The following BRF1 variants were observed in gnomAD, a reference collection of about 807,000 sequenced individuals.
BRF1 encodes BRF1 general transcription factor IIIB subunit.
A neutral mutation model predicts 81.7 loss-of-function variants in BRF1; 59 were observed. That is an observed-to-expected ratio of 0.72 (90% CI 0.59 to 0.90). BRF1 has a LOEUF of 0.90. Among genes scored for constraint, BRF1 ranks in the 40% least tolerant of loss-of-function variants. The pLI, the probability that BRF1 is intolerant of heterozygous loss-of-function variation, is 0.00. For synonymous variants in BRF1, 491 were observed against 395.6 expected (o/e 1.24, Z -2.86); for missense variants, 1,050 against 936.3 (o/e 1.12, Z -1.58).
intron 2 of BRF1, among the ~76,000 whole-genome samples, chr14:105,280,983 A>G (rs1278417074): frequency 6.8e-6 from 1 of 146,298 alleles, no homozygotes; most frequent in Non-Finnish European, 1.5e-5. Flanking sequence ...AGCCTGCGTG[A>G]CCCTGAGCCC....
In BRF1 at chr14:105,309,308, T is replaced by C. The variant is rs906882117; in HGVS notation, c.-162+6014A>G. Among the ~76,000 whole-genome samples the C allele has an allele frequency of 6.6e-6, 1 of 152,208 alleles. No homozygotes were observed. Among genetic ancestry groups the C allele is most frequent in the Non-Finnish European group, 1.5e-5 (1 of 68,038 alleles). On this transcript the variant is annotated intron_variant, in intron 1 of 17. Coordinates refer to the BRF1 transcript ENST00000327359. This position sits in a 1 kb window ranked among gnomAD's most constrained non-coding sequence, Gnocchi z 4.0. The stretch of plus-strand genomic sequence containing the variant: ...GAGTTTTATTCCTGAATCCAGGTCA[T>C]GCTGTGTTCAACTTTACACCCTGAT...
At chr14:105,293,052 G>A (rs944998352) in intron 1 of BRF1, among the ~76,000 whole-genome samples, 3 of 152,204 alleles carry the variant, frequency 2.0e-5, no homozygotes, top group African/African-American at 7.2e-5. Flanking sequence ...TTTCCTAAGA[G>A]CAGGCACCTT....
intron 6 of BRF1, among the ~76,000 whole-genome samples, chr14:105,241,016 G>T (rs2054567410): frequency 6.6e-6 from 1 of 152,330 alleles, no homozygotes; most frequent in South Asian, 2.1e-4. Context: ...TAGGCAACCT[G>T]GGGTCAAGGC....
At chr14:105,218,162 G>A (rs1282326027) in intron 14 of BRF1, among the ~76,000 whole-genome samples, 1 of 152,150 alleles carries the variant, frequency 6.6e-6, no homozygotes, top group East Asian at 1.9e-4. Flanking sequence ...TGTGAGGGCT[G>A]CAGCAGAGAT....
intron 1 of BRF1, among the ~76,000 whole-genome samples, chr14:105,292,604 G>A (rs979738039): frequency 1.3e-5 from 2 of 152,174 alleles, no homozygotes; most frequent in Admixed American, 1.3e-4. Flanking sequence ...ACAGGTGAGT[G>A]CCCAAAGGAG....
At chr14:105,246,805 T>C (rs2140254706) in intron 5 of BRF1, 1 of 985,170 alleles carries the variant, frequency 1.0e-6, no homozygotes, top group Admixed American at 6.1e-5. Context: ...GGTTTCTTTC[T>C]AAGGATGAAA....
At chr14:105,313,213 C>T (rs587756088) in intron 1 of BRF1, among the ~76,000 whole-genome samples, 10 of 152,340 alleles carry the variant, frequency 6.6e-5, no homozygotes, top group African/African-American at 1.2e-4. Context: ...TGCAACTGCA[C>T]GCTCGCCAGG....
At chr14:105,252,630 T>C (rs1263784309) in intron 4 of BRF1, 51 bp from the exon 5 acceptor site, 3 of 1,580,758 alleles carry the variant, frequency 1.9e-6, no homozygotes, top group Non-Finnish European at 2.6e-6. Context: ...TAAGGAAATG[T>C]TTGCTTTTTT....
chr14:105,266,586 A>G (rs67308076), intron 3 of BRF1, among the ~76,000 whole-genome samples: 5,398 of 152,232 alleles, frequency 0.035, 172 homozygotes, highest in African/African-American at 0.085. Context: ...TCAAGCTGAT[A>G]AAGAGTCCTA....
intron 3 of BRF1, among the ~76,000 whole-genome samples, chr14:105,270,605 A>G (rs2056614836): frequency 1.3e-5 from 2 of 152,016 alleles, no homozygotes; most frequent in East Asian, 3.9e-4. Flanking sequence ...CCTGGCCAAC[A>G]TGGGGAAACC....
intron 1 of BRF1, among the ~76,000 whole-genome samples, chr14:105,288,824 G>A (rs587644202): frequency 7.3e-5 from 11 of 151,528 alleles, no homozygotes; most frequent in African/African-American, 2.4e-4. Flanking sequence ...TAGTAGAGAC[G>A]GGGTTTCACT....
intron 2 of BRF1, among the ~76,000 whole-genome samples, chr14:105,280,177 C>T (rs1017241376): frequency 6.6e-6 from 1 of 152,206 alleles, no homozygotes; most frequent in African/African-American, 2.4e-5. Flanking sequence ...TCAACTGTGG[C>T]GCACCTAGGC....
chr14:105,218,670 C>A (rs138627798), intron 14 of BRF1, among the ~76,000 whole-genome samples: 85 of 152,360 alleles, frequency 5.6e-4, no homozygotes, highest in Non-Finnish European at 1.1e-3. Flanking sequence ...CCCAGGGCGT[C>A]AGAAGAGCAA....
At position 105,284,182 on chromosome 14, in the gene BRF1, C is replaced by A. The variant is rs2057227663; in HGVS notation, c.265+2114G>T. ...ATGCACGTCCACAAAACTGGCCTTCCACCCGGCCACGGCTCGAAGCATTTC... is the reference window on the plus strand; with the variant it reads ...ATGCACGTCCACAAAACTGGCCTTCAACCCGGCCACGGCTCGAAGCATTTC... On this transcript the variant is annotated intron_variant, in intron 2 of 17. Coordinates refer to ENST00000547530, the MANE Select transcript of BRF1 (RefSeq NM_001519.4). This position sits in a 1 kb window ranked among gnomAD's most constrained non-coding sequence, Gnocchi z 4.0. 2.0e-5 allele frequency among the ~76,000 whole-genome samples: 3 copies of A among 152,152 alleles called. No homozygotes were observed. In the South Asian group the frequency reaches 6.2e-4, roughly 31 times the overall value.
chr14:105,288,236 C>T lies in BRF1; in HGVS notation c.185-1860G>A, dbSNP rs184478911. 2.1e-3 allele frequency among the ~76,000 whole-genome samples: 319 copies of T among 152,206 alleles called. 1 individual carries two copies. The highest frequency in any genetic ancestry group is 3.3e-3 in the South Asian group (16 of 4,818). On this transcript the variant is annotated intron_variant, in intron 1 of 17. Transcript: ENST00000547530. ...TTGGGAGGCCGAGGTGGGTGGATCACGAGGTCAGGAGATCGAGACCATCTT... is the reference window on the plus strand; with the variant it reads ...TTGGGAGGCCGAGGTGGGTGGATCATGAGGTCAGGAGATCGAGACCATCTT...
rs1893069246 is a variant in BRF1, at chr14:105,226,269, T to C, written c.937A>G (p.Lys313Glu). 8 of 1,613,936 alleles carry C rather than the reference T, an allele frequency of 5.0e-6. No homozygotes were observed. The highest frequency in any genetic ancestry group is 6.8e-6 in the Non-Finnish European group (8 of 1,180,038). The change falls in exon 9 of 18, where the codon AAA becomes GAA. Residue 313 changes from lysine (K) to glutamate (E), a missense_variant. Lys to Glu is a moderately conservative substitution (Grantham distance 56). Around this residue, in one of 2 missense-constraint regions of BRF1, gnomAD observed 1,043 missense variants for 915.4 expected, o/e 1.14. Coordinates refer to ENST00000547530, the MANE Select transcript of BRF1 (RefSeq NM_001519.4). The part of the protein sequence containing the change: ...MKQLEQVLSK[K>E]LEEVEGEISS... The stretch of plus-strand genomic sequence containing the variant: ...TGGTTACCTTCAACCTCCTCCAGTT[T>C]TTTTGACAGGACTTGTTCAAGCTGA...
chr14:105,243,903 A>G (rs587772026), intron 5 of BRF1, among the ~76,000 whole-genome samples: 1 of 151,594 alleles, frequency 6.6e-6, no homozygotes, highest in Non-Finnish European at 1.5e-5. Context: ...GGAGGCTGAA[A>G]CAGGAGAATT....
At chr14:105,218,219 G>A (rs149215958) in intron 14 of BRF1, among the ~76,000 whole-genome samples, 378 of 152,314 alleles carry the variant, frequency 2.5e-3, no homozygotes, top group African/African-American at 8.6e-3. Context: ...CGCTGCCCAC[G>A]TCAAAGGCCC....
chr14:105,243,986 C>T (rs1184420430), intron 5 of BRF1, among the ~76,000 whole-genome samples: 1 of 152,020 alleles, frequency 6.6e-6, no homozygotes, highest in African/African-American at 2.4e-5. Flanking sequence ...GGCGACAGAG[C>T]GAGACTCCAT....
Sources: gnomAD v4.1 joint callset for allele counts (sites outside exome capture counted in the v4.1 genomes callset) on GRCh38, gnomAD v4.1.1 for gene constraint, gnomAD v4.1.1 regional missense constraint, Gnocchi (gnomAD v3.1) non-coding constraint, MANE v1.5 for transcripts, NCBI Gene and HGNC (gene_info 2026-07-23, HGNC 2026-07-21) for gene names.